DYNC2H1: variants seen among roughly 807,000 people sequenced by gnomAD.
The protein encoded by DYNC2H1 is cytoplasmic dynein 2 heavy chain 1.
In DYNC2H1, 410 loss-of-function variants were observed where a neutral mutation model predicts 570.0. The ratio of observed to expected loss-of-function variants is 0.72; its 90% CI spans 0.66 to 0.78. The LOEUF is 0.78. Ranked by LOEUF, DYNC2H1 falls within the 30% of genes least tolerant of loss-of-function variation. The probability of loss-of-function intolerance (pLI) is 0.00; values close to 1 mark genes in which losing one functional copy is unlikely to be tolerated. For synonymous variants in DYNC2H1, 1,688 were observed against 1,677.6 expected, an observed-to-expected ratio of 1.01 and a Z score of -0.15; for missense variants, 4,865 against 5,046.4, an observed-to-expected ratio of 0.96 and a Z score of 1.09.
Position 103,446,289 on chromosome 11 carries a change from T to G in DYNC2H1, c.12457-8897T>G, listed in dbSNP as rs922766090. Among the ~76,000 whole-genome samples, 6 of 152,174 alleles carry G rather than the reference T, an allele frequency of 3.9e-5. No homozygotes were observed. Among genetic ancestry groups the G allele is most frequent in the African/African-American group, 1.4e-4 (6 of 41,446 alleles). On this transcript the variant is annotated intron_variant, in intron 85 of 88. Coordinates refer to ENST00000375735, the MANE Select transcript of DYNC2H1 (RefSeq NM_001377.3). The surrounding 1 kb of genome is among the most constrained non-coding windows in gnomAD (Gnocchi z 4.5). ...GCACTGGTGCACTTCAATATTGAGATGTTTAGAAAAGGAAAAGTTGTCCAT... is the reference window on the plus strand; with the variant it reads ...GCACTGGTGCACTTCAATATTGAGAGGTTTAGAAAAGGAAAAGTTGTCCAT...
chr11:103,477,534 A>G (rs1945592629), intron 88 of DYNC2H1, among the ~76,000 whole-genome samples: 1 of 152,166 alleles, frequency 6.6e-6, no homozygotes, highest in African/African-American at 2.4e-5. Flanking sequence ...ACATCCTAGA[A>G]TTAAAATTAT....
At chr11:103,437,187 T>C (rs1448416916) in intron 85 of DYNC2H1, among the ~76,000 whole-genome samples, 1 of 152,160 alleles carries the variant, frequency 6.6e-6, no homozygotes, top group East Asian at 1.9e-4. Flanking sequence ...CTGTGAGATA[T>C]GACCACTTGA....
Position 103,435,929 on chromosome 11 carries a change from T to C in DYNC2H1, c.12367-14T>C, listed in dbSNP as rs1408133949. On this transcript the variant is annotated splice_polypyrimidine_tract_variant and intron_variant, in intron 84 of 88. Coordinates refer to ENST00000375735, the MANE Select transcript of DYNC2H1 (RefSeq NM_001377.3). ...ATATACACAAACTTAATTTTGACCC[T>C]TTTTAAATTGCAGTGTCCTCTCGCA... 1 of 1,610,288 alleles carries C rather than the reference T, an allele frequency of 6.2e-7. No homozygotes were observed. Among genetic ancestry groups the C allele is most frequent in the South Asian group, 1.1e-5 (1 of 90,568 alleles).
Position 103,282,248 on chromosome 11 carries a change from A to C in DYNC2H1, c.10812+19A>C. 1 of 1,605,594 alleles carries C rather than the reference A, an allele frequency of 6.2e-7. No homozygotes were observed. Among genetic ancestry groups the C allele is most frequent in the Non-Finnish European group, 8.5e-7 (1 of 1,176,458 alleles). On this transcript the variant is annotated intron_variant, in intron 72 of 88. Coordinates refer to ENST00000375735, the MANE Select transcript of DYNC2H1 (RefSeq NM_001377.3). The stretch of plus-strand genomic sequence containing the variant: ...GAAAGCTGTAAGTTAAAATAACAAA[A>C]TCTATTTTGCTCTTAAAGAAAATAT...
chr11:103,455,053 T>TTA (rs1232635531), intron 85 of DYNC2H1, 133 bp from the exon 86 acceptor site: 2 of 590,526 alleles, frequency 3.4e-6, no homozygotes, highest in African/African-American at 1.9e-5. Context: ...AATGGAAATG[T>TTA]TATATATATA....
chr11:103,287,778 A>G (rs1866407604), intron 75 of DYNC2H1, 173 bp downstream of exon 75: 4 of 597,058 alleles, frequency 6.7e-6, no homozygotes, highest in South Asian at 3.0e-5. Context: ...TCGGCTGGGC[A>G]TGGTGGCTCA....
At chr11:103,328,158 T>C (rs1276753904) in intron 82 of DYNC2H1, among the ~76,000 whole-genome samples, 1 of 152,258 alleles carries the variant, frequency 6.6e-6, no homozygotes, top group African/African-American at 2.4e-5. Context: ...TTATGAATAC[T>C]TTTGGGATGA....
chr11:103,229,879 A>T (rs1209130190), intron 59 of DYNC2H1, among the ~76,000 whole-genome samples: 1 of 152,156 alleles, frequency 6.6e-6, no homozygotes, highest in Non-Finnish European at 1.5e-5. Flanking sequence ...TAAATACTAG[A>T]CTAGAAATAG....
Position 103,254,277 on chromosome 11 carries a change from C to A in DYNC2H1, c.10206+829C>A, listed in dbSNP as rs1463826699. On this transcript the variant is annotated intron_variant, in intron 66 of 88. Coordinates refer to ENST00000375735, the MANE Select transcript of DYNC2H1 (RefSeq NM_001377.3). This position sits in a 1 kb window ranked among gnomAD's most constrained non-coding sequence, Gnocchi z 4.9. ...TTGGCAGAATTAATTGACAGAATTGCTCCTGCTGTGTAAAAGATCTCCACA... is the reference window on the plus strand; with the variant it reads ...TTGGCAGAATTAATTGACAGAATTGATCCTGCTGTGTAAAAGATCTCCACA... Among the ~76,000 whole-genome samples the A allele has an allele frequency of 3.3e-5, 5 of 152,022 alleles. No homozygotes were observed.
chr11:103,384,662 T>A (rs1193828622), intron 83 of DYNC2H1, among the ~76,000 whole-genome samples: 1 of 152,142 alleles, frequency 6.6e-6, no homozygotes, highest in Non-Finnish European at 1.5e-5. Context: ...TTTGCATAAC[T>A]CCCAGACAGT....
In DYNC2H1 at chr11:103,174,088, G is replaced by C. The variant is rs1296405714; in HGVS notation, c.5592G>C (p.Trp1864Cys). 1 of 1,590,196 alleles carries C rather than the reference G, an allele frequency of 6.3e-7. No homozygotes were observed. Among genetic ancestry groups the C allele is most frequent in the African/African-American group, 1.3e-5 (1 of 74,512 alleles). The change falls in exon 36 of 89, where the codon TGG becomes TGC. Residue 1864 changes from tryptophan (W) to cysteine (C), a missense_variant. Physicochemically the swap from Trp to Cys is radical, Grantham distance 215. Around this residue, in one of 5 missense-constraint regions of DYNC2H1, gnomAD observed 292 missense variants for 300.2 expected, o/e 0.97. Coordinates refer to ENST00000375735, the MANE Select transcript of DYNC2H1 (RefSeq NM_001377.3). ...ELLTPQQHYDWGLRALKTVLR... is the reference protein window; with the variant it reads ...ELLTPQQHYDCGLRALKTVLR... ...TGACACCTCAGCAACATTATGATTG[G>C]GGTTTGAGAGCTTTGAAGACAGTTC... is the stretch of plus-strand genomic sequence containing the variant.
chr11:103,230,400 G>C (rs993625210), intron 59 of DYNC2H1, among the ~76,000 whole-genome samples: 1 of 152,114 alleles, frequency 6.6e-6, no homozygotes, highest in Admixed American at 6.6e-5. Context: ...ATTTTGAGAG[G>C]ATAAGGTGTC....
chr11:103,181,763 A>G lies in DYNC2H1; in HGVS notation c.6354A>G (p.Glu2118=). The part of the protein sequence containing the change: ...SRMGMIFLSD[E]ETDLNSLIKS... ...TTTGTCTAAACTGTTTCAGTGATGAAGAGACAGATCTTAATTCTCTGATAA... is the reference window on the plus strand; with the variant it reads ...TTTGTCTAAACTGTTTCAGTGATGAGGAGACAGATCTTAATTCTCTGATAA... Residue 2118 remains glutamate, a synonymous_variant, in exon 40 of 89, where the codon GAA becomes GAG. Transcript: ENST00000375735. This position sits in a 1 kb window ranked among gnomAD's most constrained non-coding sequence, Gnocchi z 5.0. The G allele has an allele frequency of 6.4e-7, 1 of 1,559,266 alleles. No individual in the cohort carries two copies. The highest frequency in any genetic ancestry group is 8.7e-7 in the Non-Finnish European group (1 of 1,150,122).
At chr11:103,415,551 G>A (rs557085065) in intron 84 of DYNC2H1, among the ~76,000 whole-genome samples, 7 of 152,260 alleles carry the variant, frequency 4.6e-5, no homozygotes, top group East Asian at 1.9e-4. Context: ...ATAAAAAAAC[G>A]CTCATCATCA....
chr11:103,453,390 C>T (rs1373162147), intron 85 of DYNC2H1, among the ~76,000 whole-genome samples: 4 of 151,940 alleles, frequency 2.6e-5, no homozygotes, highest in African/African-American at 7.2e-5. Context: ...CGTTTCTGCA[C>T]TGTGACGTTT....
chr11:103,154,838 A>T, intron 24 of DYNC2H1, 29 bp downstream of exon 24: 1 of 1,489,848 alleles, frequency 6.7e-7, no homozygotes, highest in Non-Finnish European at 9.0e-7. Context: ...TTTGCCAATT[A>T]AAAACAATGT....
intron 84 of DYNC2H1, among the ~76,000 whole-genome samples, chr11:103,421,323 G>A (rs1943479982): frequency 6.6e-6 from 1 of 151,964 alleles, no homozygotes. Flanking sequence ...AGATATTCAG[G>A]ACCTGAACTC....
At chr11:103,125,411 T>C in intron 12 of DYNC2H1, 116 bp downstream of exon 12, 1 of 734,890 alleles carries the variant, frequency 1.4e-6, no homozygotes, top group Non-Finnish European at 2.0e-6. Context: ...CACTGCCAGC[T>C]GTGAAATTAT....
At chr11:103,473,890 T>C (rs1048681571) in intron 88 of DYNC2H1, among the ~76,000 whole-genome samples, 2 of 152,104 alleles carry the variant, frequency 1.3e-5, no homozygotes, top group Non-Finnish European at 2.9e-5. Context: ...CAGAAAAAAA[T>C]TTATTCTCAG....
Sources: gnomAD v4.1 joint callset for allele counts (sites outside exome capture counted in the v4.1 genomes callset) on GRCh38, gnomAD v4.1.1 for gene constraint, gnomAD v4.1.1 regional missense constraint, Gnocchi (gnomAD v3.1) non-coding constraint, MANE v1.5 for transcripts, NCBI Gene and HGNC (gene_info 2026-07-23, HGNC 2026-07-21) for gene names.